ASPH: variants seen among roughly 807,000 people sequenced by gnomAD.
ASPH encodes the protein aspartate beta-hydroxylase.
In ASPH, 100 loss-of-function variants were observed where a neutral mutation model predicts 118.4. The observed-to-expected ratio is 0.84, with a 90% confidence interval of 0.72 to 1.00. ASPH has a LOEUF of 1.00. Among genes scored for constraint, ASPH ranks in the 50% least tolerant of loss-of-function variants. ASPH has a pLI of 0.00. For synonymous variants in ASPH, 315 were observed against 325.6 expected (o/e 0.97, Z 0.35); for missense variants, 920 against 919.5 (o/e 1.00, Z -0.01).
intron 21 of ASPH, among the ~76,000 whole-genome samples, chr8:61,539,109 C>T (rs1304625582): frequency 1.3e-5 from 2 of 152,104 alleles, no homozygotes; most frequent in Non-Finnish European, 2.9e-5. Flanking sequence ...GGCGTGGTGG[C>T]AGGCGCCTGT....
chr8:61,518,113 A>G lies in ASPH; in HGVS notation c.1911T>C (p.Asn637=), dbSNP rs754344546. ...QFTLWQQGRR[N]ENACKGAPKT... The stretch of plus-strand genomic sequence containing the variant: ...TAGGAGCTCCTTTGCAGGCATTTTC[A>G]TTTCTTCTTCCTAGAATAAATAACA... Residue 637 remains asparagine, a synonymous_variant, in exon 23 of 25, where the codon AAT becomes AAC. Transcript: ENST00000379454. 8.7e-6 allele frequency: 14 copies of G among 1,613,186 alleles called. No individual in the cohort carries two copies. The East Asian group carries it at 3.1e-4, about 36-fold the overall frequency.
chr8:61,509,880 G>A (rs1162839292), intron 24 of ASPH, among the ~76,000 whole-genome samples: 1 of 151,862 alleles, frequency 6.6e-6, no homozygotes, highest in Non-Finnish European at 1.5e-5. Context: ...ATCAAATCAC[G>A]CCCCTATCTG....
intron 1 of ASPH, among the ~76,000 whole-genome samples, chr8:61,691,948 T>A (rs1322545815): frequency 1.3e-5 from 2 of 152,202 alleles, no homozygotes; most frequent in East Asian, 1.9e-4. Context: ...CTGTGCAAGG[T>A]CAGCTCCACT....
chr8:61,625,225 T>A (rs1055071486), intron 13 of ASPH: 1 of 985,596 alleles, frequency 1.0e-6, no homozygotes, highest in African/African-American at 1.7e-5. Flanking sequence ...ATAAACCACA[T>A]TAAATAAGAA....
chr8:61,662,803 C>A (rs1817592795), intron 3 of ASPH: 1 of 972,188 alleles, frequency 1.0e-6, no homozygotes, highest in Admixed American at 6.2e-5. Context: ...AAGGAAAAAT[C>A]AATGAGATAG....
Position 61,646,831 on chromosome 8 carries a change from G to A in ASPH, c.538C>T (p.Gln180Ter), listed in dbSNP as rs370193581. Residue 180 changes from glutamine to a stop codon, truncating the protein, a stop_gained, in exon 6 of 25, where the codon CAA becomes TAA. Coordinates refer to ENST00000379454, the MANE Select transcript of ASPH (RefSeq NM_004318.4). LOFTEE classifies it high-confidence loss of function. ...ATAAGAAACTCATCATCCTCTTGTT[G>A]TGGTTCTCCTGTGGGTCCATCTTCT... ...QQEDGPTGEP[Q>*]QEDDEFLMAT... 4 of 1,613,902 alleles carry A rather than the reference G, an allele frequency of 2.5e-6. No individual in the cohort carries two copies. Among genetic ancestry groups the A allele is most frequent in the Non-Finnish European group, 3.4e-6 (4 of 1,179,882 alleles).
intron 14 of ASPH, among the ~76,000 whole-genome samples, chr8:61,605,050 C>T (rs1266858147): frequency 1.3e-5 from 2 of 152,156 alleles, no homozygotes; most frequent in African/African-American, 4.8e-5. Context: ...AATGAGTTGC[C>T]ACTACAAGCA....
chr8:61,577,231 C>T (rs565216726), intron 15 of ASPH, among the ~76,000 whole-genome samples: 139 of 151,562 alleles, frequency 9.2e-4, no homozygotes, highest in Non-Finnish European at 1.4e-3. Flanking sequence ...ATGTACATGA[C>T]GGGTGAACGG....
chr8:61,613,738 A>C (rs758334945), intron 14 of ASPH, among the ~76,000 whole-genome samples: 9 of 152,176 alleles, frequency 5.9e-5, no homozygotes, highest in African/African-American at 9.7e-5. Context: ...AGCATTTTGA[A>C]CACAGGGAGG....
At chr8:61,709,990 T>C (rs1297715359) in intron 1 of ASPH, among the ~76,000 whole-genome samples, 1 of 152,038 alleles carries the variant, frequency 6.6e-6, no homozygotes, top group Admixed American at 6.5e-5. Flanking sequence ...AATAAATAAA[T>C]AAATAAGAAT....
intron 1 of ASPH, among the ~76,000 whole-genome samples, chr8:61,708,845 C>T (rs1410556606): frequency 3.9e-5 from 6 of 152,058 alleles, no homozygotes; most frequent in African/African-American, 1.4e-4. Context: ...GGAAACCTGA[C>T]TATAACTGGA....
chr8:61,650,680 C>T (rs1473641608), intron 5 of ASPH, among the ~76,000 whole-genome samples: 1 of 152,110 alleles, frequency 6.6e-6, no homozygotes, highest in African/African-American at 2.4e-5. Context: ...GACCAGCCAA[C>T]CATGAAGCAA....
chr8:61,522,982 T>G (rs975033421), intron 22 of ASPH, among the ~76,000 whole-genome samples: 2 of 152,136 alleles, frequency 1.3e-5, no homozygotes, highest in South Asian at 4.1e-4. Context: ...GGTACACAGT[T>G]CAGTCCATAG....
intron 16 of ASPH, among the ~76,000 whole-genome samples, chr8:61,574,089 G>A (rs1316364078): frequency 7.3e-5 from 11 of 151,724 alleles, no homozygotes; most frequent in Non-Finnish European, 1.5e-4. Flanking sequence ...GCCAACAAAC[G>A]TGAAATAAAG....
At chr8:61,668,917 T>C (rs1821022485) in intron 3 of ASPH, among the ~76,000 whole-genome samples, 1 of 152,202 alleles carries the variant, frequency 6.6e-6, no homozygotes, top group African/African-American at 2.4e-5. Context: ...ACAATATACC[T>C]CTAACTCTTA....
chr8:61,528,729 C>T (rs1006290767), intron 21 of ASPH, among the ~76,000 whole-genome samples: 4 of 152,166 alleles, frequency 2.6e-5, no homozygotes, highest in African/African-American at 9.7e-5. Context: ...CCCTTCCTGC[C>T]CCTTCACCCA....
At chr8:61,589,510 T>C (rs1463936433) in intron 14 of ASPH, among the ~76,000 whole-genome samples, 1 of 152,210 alleles carries the variant, frequency 6.6e-6, no homozygotes, top group Non-Finnish European at 1.5e-5. Flanking sequence ...TAGACCTAGC[T>C]AGGCCCTCAA....
Position 61,570,678 on chromosome 8 carries a change from A to G in ASPH, c.1150-3360T>C, listed in dbSNP as rs183717577. The stretch of plus-strand genomic sequence containing the variant: ...TAAAACTGATAGGCACTTGCACTGA[A>G]AAGTCTGCAGATTGATTTTTATCAG... On this transcript the variant is annotated intron_variant, in intron 16 of 24. Transcript: ENST00000379454. Among the ~76,000 whole-genome samples the G allele has an allele frequency of 2.6e-5, 4 of 152,320 alleles. No homozygotes were observed. The East Asian group carries it at 5.8e-4, about 22-fold the overall frequency.
At chr8:61,664,981 T>A in intron 3 of ASPH, 1 of 1,169,690 alleles carries the variant, frequency 8.5e-7, no homozygotes, top group Non-Finnish European at 1.1e-6. Context: ...CCATAAAAAT[T>A]CATGATACAT....
Sources: allele counts gnomAD v4.1 joint callset (sites outside exome capture counted in the v4.1 genomes callset), GRCh38; gene constraint gnomAD v4.1.1; transcripts MANE v1.5; gene names NCBI Gene and HGNC (gene_info 2026-07-23, HGNC 2026-07-21).